OR2G6: variants seen among roughly 807,000 people sequenced by gnomAD.
The protein encoded by OR2G6 is olfactory receptor 2G6.
For missense variants in OR2G6, 457 were observed against 391.3 expected, an observed-to-expected ratio of 1.17 and a Z score of -1.42; for synonymous variants, 183 against 155.2, an observed-to-expected ratio of 1.18 and a Z score of -1.33.
In OR2G6 at chr1:248,524,811, AT is replaced by A. The variant is rs1254925698; in HGVS notation, c.*2215del. 4 of 152,224 alleles carry A rather than the reference AT, an allele frequency of 2.6e-5. No individual in the cohort carries two copies. Among genetic ancestry groups the A allele is most frequent in the Admixed American group, 2.6e-4 (4 of 15,282 alleles). 9.4% of individuals were successfully genotyped at this position (152,224 alleles called of 1,614,324 possible). A position where few individuals can be genotyped will look rare whatever the true frequency, so the allele number is the denominator to read the frequency against. ...AAATTCAAACATAATTCAGAAAAAA[AT>A]AGAATATCTGCTTATTGCTGAAATT... is the stretch of plus-strand genomic sequence containing the variant. On this transcript the variant is annotated 3_prime_UTR_variant, in exon 2 of 2. Coordinates refer to ENST00000641804, the MANE Select transcript of OR2G6 (RefSeq NM_001013355.2).
chr1:248,520,411 T>TTAG (rs111473373), intron 1 of OR2G6, among the ~76,000 whole-genome samples: 1 of 152,146 alleles, frequency 6.6e-6, no homozygotes, highest in African/African-American at 2.4e-5. Context: ...ACCCTAGAAC[T>TTAG]TATAGTTTAA....
In OR2G6 at chr1:248,522,792, G is replaced by T; in HGVS notation, c.*195G>T. ...CCTCTTGTCAATCCCAAAGCCACAG[G>T]GACTAGGAAGCATTGGAATTCTAAA... On this transcript the variant is annotated 3_prime_UTR_variant, in exon 2 of 2. Coordinates refer to ENST00000641804, the MANE Select transcript of OR2G6 (RefSeq NM_001013355.2). 1.8e-6 allele frequency: 1 copy of T among 543,388 alleles called. No homozygotes were observed. Among genetic ancestry groups the T allele is most frequent in the South Asian group, 2.8e-5 (1 of 35,266 alleles). 33.7% of individuals were successfully genotyped at this position (543,388 alleles called of 1,614,324 possible). A position where few individuals can be genotyped will look rare whatever the true frequency, so the allele number is the denominator to read the frequency against.
At position 248,522,472 on chromosome 1, in the gene OR2G6, C is replaced by CTTTTCTATACCATAGTCACCCCACTTTT; in HGVS notation, c.827_854dup (p.Leu285PhefsTer33). On this transcript the variant is annotated frameshift_variant, in exon 2 of 2. Coordinates refer to ENST00000641804, the MANE Select transcript of OR2G6 (RefSeq NM_001013355.2). LOFTEE classifies it low-confidence loss of function (END_TRUNC). ...CAAAAACCAGGGAAAGTTTGTTTCTCTTTTCTATACCATAGTCACCCCACT... is the reference window on the plus strand; with the variant it reads ...CAAAAACCAGGGAAAGTTTGTTTCTCTTTTCTATACCATAGTCACCCCACTTTTTTTTCTATACCATAGTCACCCCACT... The CTTTTCTATACCATAGTCACCCCACTTTT allele has an allele frequency of 6.2e-7, 1 of 1,614,116 alleles. No individual in the cohort carries two copies. Among genetic ancestry groups the CTTTTCTATACCATAGTCACCCCACTTTT allele is most frequent in the Non-Finnish European group, 8.5e-7 (1 of 1,179,988 alleles).
chr1:248,521,498 G>A (rs554002237), intron 1 of OR2G6, 113 bp from the exon 2 acceptor site: 90 of 615,570 alleles, frequency 1.5e-4, no homozygotes, highest in Non-Finnish European at 2.1e-4. Flanking sequence ...AAGTTCTATA[G>A]GTCTTCACAA....
chr1:248,520,146 CCAT>C (rs1206364965), intron 1 of OR2G6, among the ~76,000 whole-genome samples: 1 of 152,064 alleles, frequency 6.6e-6, no homozygotes, highest in African/African-American at 2.4e-5. Flanking sequence ...AAGGTGGAAA[CCAT>C]CATTTTCAGC....
rs1664290358 is a variant in OR2G6, at chr1:248,521,779, C to T, written c.133C>T (p.Leu45Phe). ...YVLSLLGNTA[L>F]ILVCCLDSRL... Reference sequence around the variant, plus strand: ...CTTGAGCCTTCTGGGGAACACTGCCCTCATACTAGTATGTTGTCTGGACTC... The same window carrying T: ...CTTGAGCCTTCTGGGGAACACTGCCTTCATACTAGTATGTTGTCTGGACTC... The change falls in exon 2 of 2, where the codon CTC (leucine) becomes TTC (phenylalanine). Residue 45 changes from leucine to phenylalanine, a missense_variant. Coordinates refer to ENST00000641804, the MANE Select transcript of OR2G6 (RefSeq NM_001013355.2). The T allele has an allele frequency of 6.2e-7, 1 of 1,614,034 alleles. No individual in the cohort carries two copies. Among genetic ancestry groups the T allele is most frequent in the Non-Finnish European group, 8.5e-7 (1 of 1,179,926 alleles).
intron 1 of OR2G6, among the ~76,000 whole-genome samples, chr1:248,519,562 TC>T (rs1214942552): frequency 1.3e-5 from 2 of 152,278 alleles, no homozygotes; most frequent in East Asian, 3.9e-4. Flanking sequence ...TAGCCAGTTT[TC>T]CCAGCACCAT....
Position 248,525,954 on chromosome 1 carries a change from G to T in OR2G6, c.*3357G>T, listed in dbSNP as rs980047089. 6.6e-6 allele frequency: 1 copy of T among 150,426 alleles called. No individual in the cohort carries two copies. The highest frequency in any genetic ancestry group is 1.9e-4 in the East Asian group (1 of 5,168). The allele number at this position is 150,426 out of a possible 1,614,324, so 9.3% of individuals were successfully genotyped here. A position where few individuals can be genotyped will look rare whatever the true frequency, so the allele number is the denominator to read the frequency against. On this transcript the variant is annotated 3_prime_UTR_variant, in exon 2 of 2. Transcript: ENST00000641804. ...AATTGCTTGAACCTAGGAGGCAGAG[G>T]TTGCAGTGAGCCAAGATCGTGCCAC...
chr1:248,521,846 C>A lies in OR2G6; in HGVS notation c.200C>A (p.Ser67Ter), dbSNP rs560459259. Residue 67 changes from serine (S) to a stop codon, truncating the protein, a stop_gained, in exon 2 of 2, where the codon TCG (serine) becomes TAG (stop). Coordinates refer to ENST00000641804, the MANE Select transcript of OR2G6 (RefSeq NM_001013355.2). LOFTEE classifies it low-confidence loss of function (END_TRUNC). ...TPMYFFLSNL[S>*]CVDICFTTSV... Reference sequence around the variant, plus strand: ...ATGTACTTCTTCCTCAGCAACCTCTCGTGTGTGGACATCTGCTTTACCACC... The same window carrying A: ...ATGTACTTCTTCCTCAGCAACCTCTAGTGTGTGGACATCTGCTTTACCACC... 6 of 1,614,140 alleles carry A rather than the reference C, an allele frequency of 3.7e-6. No homozygotes were observed. In the East Asian group the frequency reaches 1.3e-4, roughly 36 times the overall value.
chr1:248,521,544 CT>C, intron 1 of OR2G6, 66 bp from the exon 2 acceptor site: 1 of 799,340 alleles, frequency 1.3e-6, no homozygotes, highest in Non-Finnish European at 2.1e-6. Flanking sequence ...GATAATTATA[CT>C]GTAAACGACT....
chr1:248,521,566 A>G (rs1558371846), intron 1 of OR2G6, 45 bp from the exon 2 acceptor site: 1 of 984,108 alleles, frequency 1.0e-6, no homozygotes, highest in Non-Finnish European at 1.6e-6. Flanking sequence ...GTGGATTACC[A>G]TTCTTGACCT....
rs1301378204 is a variant in OR2G6, at chr1:248,526,487, A to C, written c.*3890A>C. 6.6e-6 allele frequency: 1 copy of C among 152,188 alleles called. No individual in the cohort carries two copies. The highest frequency in any genetic ancestry group is 2.4e-5 in the African/African-American group (1 of 41,436). The allele number at this position is 152,188 out of a possible 1,614,324, so 9.4% of individuals were successfully genotyped here. A position where few individuals can be genotyped will look rare whatever the true frequency, so the allele number is the denominator to read the frequency against. ...GTGAACTAACTTGACAAATAAAAAAAATGTTGAGCCCCAGTCTTAGGAAAT... is the reference window on the plus strand; with the variant it reads ...GTGAACTAACTTGACAAATAAAAAACATGTTGAGCCCCAGTCTTAGGAAAT... On this transcript the variant is annotated 3_prime_UTR_variant, in exon 2 of 2. Coordinates refer to ENST00000641804, the MANE Select transcript of OR2G6 (RefSeq NM_001013355.2).
rs367799666 is a variant in OR2G6, at chr1:248,522,169, G to A, written c.523G>A (p.Asp175Asn). 51 of 1,614,000 alleles carry A rather than the reference G, an allele frequency of 3.2e-5. No individual in the cohort carries two copies. In the Middle Eastern group the frequency reaches 1.2e-3, roughly 36 times the overall value. ...QLPLCGHRTL[D>N]HIFCEVPVLI... The stretch of plus-strand genomic sequence containing the variant: ...GCCCCTCTGTGGTCATCGCACACTG[G>A]ATCATATTTTCTGTGAGGTGCCAGT... The change falls in exon 2 of 2, where the codon GAT becomes AAT. Residue 175 changes from aspartate to asparagine, a missense_variant. By Grantham distance (23) the Asp-to-Asn change is conservative (BLOSUM62 1). Transcript: ENST00000641804.
rs1379629246 is a variant in OR2G6 at position 248,523,165 on chromosome 1, C to T, written c.*568C>T. 3.1e-4 allele frequency: 48 copies of T among 152,926 alleles called. No individual in the cohort carries two copies. The highest frequency in any genetic ancestry group is 1.1e-3 in the African/African-American group (46 of 41,526). The allele number at this position is 152,926 out of a possible 1,614,324, so 9.5% of individuals were successfully genotyped here. On this transcript the variant is annotated 3_prime_UTR_variant, in exon 2 of 2. Transcript: ENST00000641804. ...GATATATGTATACATATATCTCTAA[C>T]TAGGCAAAGCAATGTATATAACAGA...
In OR2G6 at chr1:248,524,183, C is replaced by T. The variant is rs1235697155; in HGVS notation, c.*1586C>T. 1 of 152,248 alleles carries T rather than the reference C, an allele frequency of 6.6e-6. No homozygotes were observed. The highest frequency in any genetic ancestry group is 2.4e-5 in the African/African-American group (1 of 41,448). 9.4% of individuals were successfully genotyped at this position (152,248 alleles called of 1,614,324 possible). On this transcript the variant is annotated 3_prime_UTR_variant, in exon 2 of 2. Transcript: ENST00000641804. ...CTGGACTGAAGGCAAAATGGCTGCG[C>T]ACACAAGAACAAAAAGGCATCAGGA... is the stretch of plus-strand genomic sequence containing the variant.
chr1:248,522,404 G>C lies in OR2G6; in HGVS notation c.758G>C (p.Gly253Ala). The C allele has an allele frequency of 6.2e-7, 1 of 1,614,042 alleles. No homozygotes were observed. The highest frequency in any genetic ancestry group is 8.5e-7 in the Non-Finnish European group (1 of 1,180,004). The change falls in exon 2 of 2, where the codon GGG (glycine) becomes GCG (alanine). Residue 253 changes from glycine to alanine, a missense_variant. Physicochemically the swap from Gly to Ala is moderately conservative, Grantham distance 60. Transcript: ENST00000641804. ...SHLVVVIIFY[G>A]TIIFMYLQPA... ...CTGGTTGTGGTCATCATTTTCTATGGGACCATCATATTCATGTACCTTCAA... is the reference window on the plus strand; with the variant it reads ...CTGGTTGTGGTCATCATTTTCTATGCGACCATCATATTCATGTACCTTCAA...
Position 248,525,793 on chromosome 1 carries a change from A to G in OR2G6, c.*3196A>G, listed in dbSNP as rs912499870. The G allele has an allele frequency of 3.3e-5, 5 of 152,160 alleles. No homozygotes were observed. The highest frequency in any genetic ancestry group is 1.2e-4 in the African/African-American group (5 of 41,432). 9.4% of individuals were successfully genotyped at this position (152,160 alleles called of 1,614,324 possible). On this transcript the variant is annotated 3_prime_UTR_variant, in exon 2 of 2. Coordinates refer to ENST00000641804, the MANE Select transcript of OR2G6 (RefSeq NM_001013355.2). Reference sequence around the variant, plus strand: ...CACTTTGGGAGGCTGAGTCAGGTGGATCATGAGGTCAGGAGTTCAAGCTCA... The same window carrying G: ...CACTTTGGGAGGCTGAGTCAGGTGGGTCATGAGGTCAGGAGTTCAAGCTCA...
intron 1 of OR2G6, among the ~76,000 whole-genome samples, chr1:248,519,685 G>C (rs933479454): frequency 6.6e-6 from 1 of 152,026 alleles, no homozygotes; most frequent in East Asian, 1.9e-4. Flanking sequence ...TGTTCCATTG[G>C]TCTATATATC....
intron 1 of OR2G6, among the ~76,000 whole-genome samples, chr1:248,520,063 G>A (rs1456001598): frequency 1.3e-5 from 2 of 152,124 alleles, no homozygotes; most frequent in African/African-American, 4.8e-5. Context: ...AGAAAGTGTG[G>A]CACATATACA....
Sources: allele counts gnomAD v4.1 joint callset (sites outside exome capture counted in the v4.1 genomes callset), GRCh38; gene constraint gnomAD v4.1.1; transcripts MANE v1.5; gene names NCBI Gene and HGNC (gene_info 2026-07-23, HGNC 2026-07-21).